SCAF11: variants seen among roughly 807,000 people sequenced by gnomAD.
SCAF11 encodes the protein SR-related CTD associated factor 11.
In SCAF11, 47 loss-of-function variants were observed where a neutral mutation model predicts 140.5. That is an observed-to-expected ratio of 0.33 (90% CI 0.26 to 0.43). The LOEUF (loss-of-function observed/expected upper bound fraction) is 0.43. Among genes scored for constraint, SCAF11 ranks in the 20% least tolerant of loss-of-function variants. The probability of loss-of-function intolerance (pLI) is 1.00; values close to 1 mark genes in which losing one functional copy is unlikely to be tolerated. For synonymous variants in SCAF11, 557 were observed against 579.4 expected, an observed-to-expected ratio of 0.96 and a Z score of 0.55; for missense variants, 1,645 against 1,705.1, an observed-to-expected ratio of 0.96 and a Z score of 0.62.
At position 45,927,092 on chromosome 12, in the gene SCAF11, T is replaced by C. The variant is rs369020219; in HGVS notation, c.2609A>G (p.Asp870Gly). The C allele has an allele frequency of 3.7e-6, 6 of 1,614,186 alleles. No homozygotes were observed. Among genetic ancestry groups the C allele is most frequent in the South Asian group, 1.1e-5 (1 of 91,088 alleles). Residue 870 changes from aspartate (D) to glycine (G), a missense_variant, in exon 11 of 15, where the codon GAT (aspartate) becomes GGT (glycine). Around this residue, in one of 2 missense-constraint regions of SCAF11, gnomAD observed 1,582 missense variants for 1,609.2 expected, o/e 0.98. Coordinates refer to ENST00000369367, the MANE Select transcript of SCAF11 (RefSeq NM_004719.3). ...AGATCTTCTGCTTTCCCTAGTAGTA[T>C]CCCTTTTTGGAGACCGAGACTGAGA... is the stretch of plus-strand genomic sequence containing the variant. ...RQSQSRSPKR[D>G]TTRESRRSES...
chr12:45,982,692 G>A (rs1206909902), intron 1 of SCAF11, among the ~76,000 whole-genome samples: 1 of 152,310 alleles, frequency 6.6e-6, no homozygotes, highest in East Asian at 1.9e-4. Flanking sequence ...GTGACAGAAT[G>A]AGACTGTGTC....
At chr12:45,958,220 C>G (rs578080266) in intron 3 of SCAF11, among the ~76,000 whole-genome samples, 28 of 152,212 alleles carry the variant, frequency 1.8e-4, no homozygotes, top group Admixed American at 6.5e-4. Context: ...ATCCCATTTA[C>G]TTAACCTGTG....
chr12:45,973,575 T>C (rs1210010393), intron 1 of SCAF11, among the ~76,000 whole-genome samples: 1 of 152,054 alleles, frequency 6.6e-6, no homozygotes, highest in African/African-American at 2.4e-5. Flanking sequence ...AAGGAAAACC[T>C]TGAAAGCACC....
intron 3 of SCAF11, among the ~76,000 whole-genome samples, chr12:45,956,614 G>T (rs1945697506): frequency 6.6e-6 from 1 of 152,106 alleles, no homozygotes; most frequent in African/African-American, 2.4e-5. Flanking sequence ...GGCTGTCAGT[G>T]ATAAAATTAA....
Position 45,928,295 on chromosome 12 carries a change from CT to C in SCAF11, c.1405del (p.Arg469GlufsTer2). The C allele has an allele frequency of 6.2e-7, 1 of 1,614,012 alleles. No individual in the cohort carries two copies. The highest frequency in any genetic ancestry group is 8.5e-7 in the Non-Finnish European group (1 of 1,179,994). On this transcript the variant is annotated frameshift_variant, in exon 11 of 15. Coordinates refer to ENST00000369367, the MANE Select transcript of SCAF11 (RefSeq NM_004719.3). LOFTEE classifies it high-confidence loss of function. ...AGACTCAGAAGATGAAGATCCTACTCTTTCCTCTGTATCATAATTTGCAGTA... is the reference window on the plus strand; with the variant it reads ...AGACTCAGAAGATGAAGATCCTACTCTTCCTCTGTATCATAATTTGCAGTA... ...KHTANYDTEE[R>X]VGSSSSESCA...
chr12:45,941,968 A>T (rs1205231181), intron 6 of SCAF11, among the ~76,000 whole-genome samples: 1 of 152,218 alleles, frequency 6.6e-6, no homozygotes, highest in Non-Finnish European at 1.5e-5. Flanking sequence ...CTCAATGTGA[A>T]GACAAGGACA....
At position 45,956,199 on chromosome 12, in the gene SCAF11, G is replaced by T. The variant is rs755822272; in HGVS notation, c.220-4472C>A. ...CTGCTTATAGATAGCTCCTCTTAGA[G>T]AGAGAGAAACAAGTGTTAAGACAAG... On this transcript the variant is annotated intron_variant, in intron 3 of 14. Coordinates refer to ENST00000369367, the MANE Select transcript of SCAF11 (RefSeq NM_004719.3). 30 of 715,576 alleles carry T rather than the reference G, an allele frequency of 4.2e-5. 2 individuals carry two copies. In the South Asian group the frequency reaches 4.5e-4, roughly 11 times the overall value. The allele number at this position is 715,576 out of a possible 1,614,324, so 44.3% of individuals were successfully genotyped here.
intron 1 of SCAF11, among the ~76,000 whole-genome samples, chr12:45,965,696 G>A (rs1408703337): frequency 6.6e-6 from 1 of 152,124 alleles, no homozygotes; most frequent in African/African-American, 2.4e-5. Context: ...TTATATCTAC[G>A]CACAAGAAAT....
chr12:45,991,473 A>G (rs568801801), upstream of SCAF11, among the ~76,000 whole-genome samples: 2 of 152,142 alleles, frequency 1.3e-5, no homozygotes, highest in Non-Finnish European at 2.9e-5. Flanking sequence ...GAGGTGGGAG[A>G]ATCGCTTGAA....
intron 3 of SCAF11, chr12:45,954,678 C>T (rs1309743883): frequency 1.4e-5 from 2 of 143,804 alleles, no homozygotes; most frequent in Non-Finnish European, 3.0e-5. Flanking sequence ...TCAAGCAATT[C>T]TTCCACTTTA....
chr12:45,950,156 G>A (rs1042289429), intron 4 of SCAF11, among the ~76,000 whole-genome samples: 2 of 152,150 alleles, frequency 1.3e-5, no homozygotes, highest in African/African-American at 4.8e-5. Context: ...GTGGAAGTCT[G>A]AGCCTGGACC....
In SCAF11 at chr12:45,983,905, C is replaced by T. The variant is rs557085310; in HGVS notation, c.-22+6448G>A. Among the ~76,000 whole-genome samples the T allele has an allele frequency of 4.6e-5, 7 of 152,242 alleles. No homozygotes were observed. The South Asian group carries it at 1.5e-3, about 32-fold the overall frequency. ...AAAAGGAAGAAGTTTAGTCTTATCC[C>T]TAATAGAGATGTGAGTCTTAAGAGG... On this transcript the variant is annotated intron_variant, in intron 1 of 14. Coordinates refer to ENST00000369367, the MANE Select transcript of SCAF11 (RefSeq NM_004719.3).
intron 1 of SCAF11, among the ~76,000 whole-genome samples, chr12:45,971,671 C>T (rs1371678093): frequency 2.0e-5 from 3 of 152,072 alleles, no homozygotes; most frequent in Non-Finnish European, 2.9e-5. Context: ...GGAGTGTCTC[C>T]TTCCTAATGT....
chr12:45,935,312 A>C (rs996186606), intron 6 of SCAF11, among the ~76,000 whole-genome samples: 24 of 152,350 alleles, frequency 1.6e-4, no homozygotes, highest in Middle Eastern at 3.4e-3. Context: ...TTTAGTTATT[A>C]TACAACAGCT....
chr12:45,976,584 A>G (rs948659718), intron 1 of SCAF11, among the ~76,000 whole-genome samples: 4 of 152,142 alleles, frequency 2.6e-5, no homozygotes, highest in Non-Finnish European at 5.9e-5. Context: ...CAAGTTGGCC[A>G]GTTAAAATGG....
chr12:45,941,404 T>C (rs1945298710), intron 6 of SCAF11, among the ~76,000 whole-genome samples: 1 of 152,198 alleles, frequency 6.6e-6, no homozygotes, highest in Non-Finnish European at 1.5e-5. Flanking sequence ...GTTACCATTC[T>C]CCCTTTTTCT....
At chr12:45,931,473 T>A in intron 10 of SCAF11, 33 bp downstream of exon 10, 1 of 1,133,240 alleles carries the variant, frequency 8.8e-7, no homozygotes, top group Non-Finnish European at 1.2e-6. Context: ...TAATAATAAT[T>A]TTTAAAATAG....
intron 12 of SCAF11, among the ~76,000 whole-genome samples, chr12:45,923,821 A>C (rs893983096): frequency 2.3e-4 from 35 of 151,560 alleles, no homozygotes; most frequent in African/African-American, 7.5e-4. Flanking sequence ...AGCTGGGATT[A>C]CAGGAATGCA....
chr12:45,927,634 G>A lies in SCAF11; in HGVS notation c.2067C>T (p.Thr689=), dbSNP rs11574971. Reference sequence around the variant, plus strand: ...GCAACTCTGTAGATCTAGGATGTTCGGTCAGCGATTCATTCTTTTCTTCTA... The same window carrying A: ...GCAACTCTGTAGATCTAGGATGTTCAGTCAGCGATTCATTCTTTTCTTCTA... ...KSLEEKNESL[T]EHPRSTELPK... Residue 689 remains threonine, a synonymous_variant, in exon 11 of 15, where the codon ACC becomes ACT. Transcript: ENST00000369367. 30,327 of 1,611,934 alleles carry A rather than the reference G, an allele frequency of 0.019. 4,378 individuals carry two copies. In the African/African-American group the frequency reaches 0.33, roughly 18 times the overall value.
Sources: gnomAD v4.1 joint callset for allele counts (sites outside exome capture counted in the v4.1 genomes callset) on GRCh38, gnomAD v4.1.1 for gene constraint, gnomAD v4.1.1 regional missense constraint, MANE v1.5 for transcripts, NCBI Gene and HGNC (gene_info 2026-07-23, HGNC 2026-07-21) for gene names.